SUCO: variants seen among roughly 807,000 people sequenced by gnomAD.
SUCO encodes the protein SUN domain containing ossification factor.
Under a neutral mutation model 148.1 loss-of-function variants are expected in SUCO, and 57 were observed. The ratio of observed to expected loss-of-function variants is 0.38; its 90% CI spans 0.31 to 0.48. The LOEUF (loss-of-function observed/expected upper bound fraction) is 0.48. Ranked by LOEUF, SUCO falls within the 20% of genes least tolerant of loss-of-function variation. SUCO has a pLI of 0.96. For missense variants in SUCO, 1,331 were observed against 1,468.2 expected, an observed-to-expected ratio of 0.91 and a Z score of 1.53; for synonymous variants, 470 against 502.7, an observed-to-expected ratio of 0.93 and a Z score of 0.87.
At chr1:172,600,575 C>T (rs533171423) in intron 20 of SUCO, among the ~76,000 whole-genome samples, 36 of 152,132 alleles carry the variant, frequency 2.4e-4, no homozygotes, top group African/African-American at 8.0e-4. Flanking sequence ...TTGTGGTATA[C>T]GGTAGTTAAT....
chr1:172,609,620 C>CTTTTTTTG, intron 23 of SUCO, 196 bp from the exon 24 acceptor site: 1 of 984,864 alleles, frequency 1.0e-6, no homozygotes, highest in East Asian at 1.1e-4. Context: ...AGTTTTGATT[C>CTTTTTTTG]AGTAGTATTT....
chr1:172,574,102 T>G, intron 10 of SUCO, 104 bp downstream of exon 10: 1 of 666,046 alleles, frequency 1.5e-6, no homozygotes, highest in Non-Finnish European at 2.6e-6. Flanking sequence ...GTCCATTTAT[T>G]TTTTAAAGGT....
At chr1:172,608,723 G>A in intron 22 of SUCO, 24 bp from the exon 23 acceptor site, 1 of 1,310,664 alleles carries the variant, frequency 7.6e-7, no homozygotes, top group South Asian at 1.3e-5. Context: ...TTTTACATCT[G>A]CTTTTTTTTT....
intron 9 of SUCO, among the ~76,000 whole-genome samples, chr1:172,572,447 A>G (rs1558191566): frequency 6.6e-6 from 1 of 151,990 alleles, no homozygotes; most frequent in Non-Finnish European, 1.5e-5. Context: ...ACTCAGGGTT[A>G]AATGGATTAA....
At chr1:172,545,906 G>T (rs138702898) in intron 1 of SUCO, among the ~76,000 whole-genome samples, 43 of 151,464 alleles carry the variant, frequency 2.8e-4, no homozygotes, top group African/African-American at 1.0e-3. Context: ...CCGTCCGTCC[G>T]TCCTTCCTTC....
At chr1:172,532,979 A>G, upstream of SUCO, 1 of 1,385,314 alleles carries the variant, frequency 7.2e-7, no homozygotes, top group East Asian at 2.5e-5. Flanking sequence ...TGGCCTGCGC[A>G]GAGGCTGGTG....
At position 172,589,076 on chromosome 1, in the gene SUCO, C is replaced by T. The variant is rs1408741299; in HGVS notation, c.1975C>T (p.Leu659Phe). Residue 659 changes from leucine (L) to phenylalanine (F), a missense_variant, in exon 18 of 24, where the codon CTT becomes TTT. This residue lies in a region of SUCO where 992 missense variants were observed against 1,093.5 expected (regional missense o/e 0.91). Coordinates refer to ENST00000263688, the MANE Select transcript of SUCO (RefSeq NM_014283.5). ...RTALSKGKDY[L>F]VLAQPPLLLP... ...TGCTTTGAGTAAAGGAAAAGATTAT[C>T]TTGTGTTAGCTCAACCACCCTTACT... The T allele has an allele frequency of 1.2e-6, 2 of 1,613,568 alleles. No individual in the cohort carries two copies. Among genetic ancestry groups the T allele is most frequent in the Non-Finnish European group, 1.7e-6 (2 of 1,179,824 alleles).
intron 7 of SUCO, 57 bp downstream of exon 7, chr1:172,569,199 T>G: frequency 7.6e-7 from 1 of 1,315,066 alleles, no homozygotes; most frequent in Admixed American, 2.7e-5. Context: ...TGTAGTTTAA[T>G]ATGCTTTCTT....
At chr1:172,585,175 T>C in intron 16 of SUCO, 89 bp downstream of exon 16, 1 of 1,072,346 alleles carries the variant, frequency 9.3e-7, no homozygotes, top group South Asian at 1.8e-5. Flanking sequence ...TAAGAAAATT[T>C]GATTGTTTAC....
chr1:172,576,092 A>G (rs1038988586), intron 11 of SUCO, among the ~76,000 whole-genome samples: 1 of 151,846 alleles, frequency 6.6e-6, no homozygotes, highest in Non-Finnish European at 1.5e-5. Context: ...TTCTGTGTCC[A>G]AGTACCAATT....
intron 19 of SUCO, among the ~76,000 whole-genome samples, chr1:172,595,614 T>C (rs529536921): frequency 1.3e-5 from 2 of 152,362 alleles, no homozygotes; most frequent in South Asian, 4.1e-4. Context: ...CCCCACTCTC[T>C]TCTGACTTGT....
At chr1:172,604,321 A>T (rs978875615) in intron 22 of SUCO, among the ~76,000 whole-genome samples, 13 of 151,882 alleles carry the variant, frequency 8.6e-5, no homozygotes, top group Non-Finnish European at 1.3e-4. Flanking sequence ...GTGTATCTTT[A>T]CCAGTAAAGA....
intron 18 of SUCO, chr1:172,590,398 C>T (rs1326587864): frequency 1.2e-4 from 120 of 979,984 alleles, no homozygotes; most frequent in Non-Finnish European, 1.3e-4. Context: ...AAACAGGTCT[C>T]GGCATCCTAG....
intron 17 of SUCO, 127 bp from the exon 18 acceptor site, chr1:172,588,633 C>T: frequency 1.6e-6 from 2 of 1,262,664 alleles, no homozygotes; most frequent in South Asian, 7.4e-5. Context: ...AACATTTATC[C>T]AAAAACAAAT....
chr1:172,533,000 C>T (rs1330086338), upstream of SUCO: 2 of 1,411,888 alleles, frequency 1.4e-6, no homozygotes, highest in East Asian at 2.5e-5. Flanking sequence ...GGGGTGCGGG[C>T]GCCGCGGGAC....
chr1:172,582,669 T>C (rs1333248509), intron 15 of SUCO, among the ~76,000 whole-genome samples: 1 of 152,150 alleles, frequency 6.6e-6, no homozygotes, highest in African/African-American at 2.4e-5. Flanking sequence ...ATCATGTGTT[T>C]AGATACAAAT....
intron 18 of SUCO, chr1:172,590,476 G>A (rs1406270710): frequency 2.1e-6 from 1 of 473,410 alleles, no homozygotes; most frequent in Non-Finnish European, 2.8e-6. Context: ...CACCAGGCCT[G>A]GCTTTTTAAA....
intron 1 of SUCO, among the ~76,000 whole-genome samples, chr1:172,545,076 T>C (rs189361470): frequency 6.6e-6 from 1 of 152,178 alleles, no homozygotes; most frequent in East Asian, 1.9e-4. Flanking sequence ...TCACAGGTGT[T>C]TTTCAGGTTT....
At chr1:172,557,089 C>T (rs1180121645) in intron 4 of SUCO, 191 bp from the exon 5 acceptor site, 3 of 976,232 alleles carry the variant, frequency 3.1e-6, no homozygotes, top group Admixed American at 6.2e-5. Flanking sequence ...CAAATATTAA[C>T]CTCATATTTG....
Sources: allele counts gnomAD v4.1 joint callset (sites outside exome capture counted in the v4.1 genomes callset), GRCh38; gene constraint gnomAD v4.1.1; regional missense constraint gnomAD v4.1.1; transcripts MANE v1.5; gene names NCBI Gene and HGNC (gene_info 2026-07-23, HGNC 2026-07-21).